The following KLHL32 variants were observed in gnomAD, a reference collection of about 807,000 sequenced individuals.
The protein encoded by KLHL32 is kelch like family member 32, also known as kelch-like protein 32.
A neutral mutation model predicts 64.8 loss-of-function variants in KLHL32; 35 were observed. The ratio of observed to expected loss-of-function variants is 0.54; its 90% confidence interval spans 0.41 to 0.72. The LOEUF is 0.72. KLHL32 is among the 30% of genes least tolerant of loss of function. The pLI, the probability that KLHL32 is intolerant of heterozygous loss-of-function variation, is 0.00. For missense variants in KLHL32, 589 were observed against 768.5 expected, an observed-to-expected ratio of 0.77 and a Z score of 2.76; for synonymous variants, 259 against 281.0, an observed-to-expected ratio of 0.92 and a Z score of 0.78.
intron 4 of KLHL32, among the ~76,000 whole-genome samples, chr6:97,057,549 A>ACCCC (rs1554227344): frequency 7.3e-6 from 1 of 136,802 alleles, no homozygotes; most frequent in African/African-American, 3.0e-5. Flanking sequence ...GATCTTTTAC[A>ACCCC]CCCCCCTCCC....
intron 3 of KLHL32, among the ~76,000 whole-genome samples, chr6:97,017,897 G>A (rs1006596623): frequency 2.6e-5 from 4 of 152,198 alleles, no homozygotes; most frequent in African/African-American, 9.7e-5. Flanking sequence ...GTGATGGAAG[G>A]AACCTGGGCC....
chr6:97,127,332 T>C (rs1460327027), intron 7 of KLHL32, 72 bp from the exon 8 acceptor site: 2 of 1,247,642 alleles, frequency 1.6e-6, no homozygotes. Flanking sequence ...CCTTTAATTG[T>C]ATCTCATTCT....
chr6:96,982,174 T>C (rs1407322238), intron 3 of KLHL32, among the ~76,000 whole-genome samples: 2 of 152,164 alleles, frequency 1.3e-5, no homozygotes, highest in African/African-American at 4.8e-5. Flanking sequence ...AGTATTATTA[T>C]GTGGTTATTT....
At chr6:96,910,888 C>A in the KLHL32 span, among the ~76,000 whole-genome samples, 2 of 152,048 alleles carry the variant, frequency 1.3e-5, no homozygotes, top group Admixed American at 6.6e-5. Context: ...TAATTAATTG[C>A]CAATTTTATT....
chr6:96,938,457 C>T (rs1770882891), intron 1 of KLHL32, among the ~76,000 whole-genome samples: 1 of 152,144 alleles, frequency 6.6e-6, no homozygotes, highest in South Asian at 2.1e-4. Flanking sequence ...CTTCTCGTGT[C>T]CTGCAGATAC....
intron 9 of KLHL32, 105 bp from the exon 10 acceptor site, chr6:97,132,548 C>T: frequency 2.5e-6 from 2 of 804,802 alleles, no homozygotes; most frequent in East Asian, 2.7e-5. Context: ...ATGGAGTATA[C>T]AAATGTGCCA....
At chr6:97,110,704 A>C (rs1796997165) in intron 6 of KLHL32, among the ~76,000 whole-genome samples, 1 of 152,226 alleles carries the variant, frequency 6.6e-6, no homozygotes, top group Non-Finnish European at 1.5e-5. Flanking sequence ...CCATGGTTCA[A>C]AAAGGAAGTA....
chr6:96,993,851 G>T (rs2128068157), intron 3 of KLHL32, among the ~76,000 whole-genome samples: 1 of 152,274 alleles, frequency 6.6e-6, no homozygotes, highest in Non-Finnish European at 1.5e-5. Flanking sequence ...TGAGTGAGTT[G>T]TGTTATGGGA....
chr6:96,900,955 T>G, the KLHL32 span, among the ~76,000 whole-genome samples: 1 of 152,158 alleles, frequency 6.6e-6, no homozygotes, highest in Non-Finnish European at 1.5e-5. Flanking sequence ...TTTGGCCAAT[T>G]TCATAGTGAT....
At chr6:97,071,231 A>G (rs1459603789) in intron 5 of KLHL32, among the ~76,000 whole-genome samples, 1 of 151,936 alleles carries the variant, frequency 6.6e-6, no homozygotes, top group East Asian at 1.9e-4. Context: ...TACTCCTCAA[A>G]AGTTCTTCCA....
At chr6:96,919,648 C>A (rs1420387134), upstream of KLHL32, among the ~76,000 whole-genome samples, 5 of 151,888 alleles carry the variant, frequency 3.3e-5, no homozygotes, top group Non-Finnish European at 7.4e-5. Flanking sequence ...GTTATAATAG[C>A]CACTTTTATA....
intron 3 of KLHL32, among the ~76,000 whole-genome samples, chr6:96,991,478 G>A (rs902771776): frequency 6.6e-6 from 1 of 152,074 alleles, no homozygotes; most frequent in Non-Finnish European, 1.5e-5. Context: ...AATGGCAGAG[G>A]GGCTATGGGT....
chr6:96,920,789 T>C (rs998464613), upstream of KLHL32, among the ~76,000 whole-genome samples: 1 of 152,156 alleles, frequency 6.6e-6, no homozygotes, highest in African/African-American at 2.4e-5. Context: ...TCTGTCCCTG[T>C]CTCTCTTCTC....
At chr6:96,976,950 T>C (rs1444412631) in intron 3 of KLHL32, among the ~76,000 whole-genome samples, 1 of 152,182 alleles carries the variant, frequency 6.6e-6, no homozygotes, top group African/African-American at 2.4e-5. Context: ...CAGAGATTCA[T>C]AGGCCTAATG....
chr6:97,004,708 C>A (rs1376251778), intron 3 of KLHL32, among the ~76,000 whole-genome samples: 3 of 151,956 alleles, frequency 2.0e-5, no homozygotes, highest in Non-Finnish European at 4.4e-5. Context: ...TTATCAAAAG[C>A]CTTTTCTGCA....
intron 4 of KLHL32, among the ~76,000 whole-genome samples, chr6:97,058,965 G>A (rs1788446261): frequency 6.6e-6 from 1 of 152,192 alleles, no homozygotes; most frequent in Non-Finnish European, 1.5e-5. Context: ...CAGTTTTTGA[G>A]GTAGACATCA....
intron 3 of KLHL32, among the ~76,000 whole-genome samples, chr6:97,032,671 C>T (rs1783730737): frequency 6.7e-6 from 1 of 149,594 alleles, no homozygotes; most frequent in African/African-American, 2.5e-5. Context: ...GGGGCAATTA[C>T]AACTTGGAAG....
intron 4 of KLHL32, among the ~76,000 whole-genome samples, chr6:97,043,238 C>A (rs1785397826): frequency 6.6e-6 from 1 of 152,154 alleles, no homozygotes; most frequent in African/African-American, 2.4e-5. Context: ...CCTCCCCTAG[C>A]CTTTGGTAAC....
the KLHL32 span, among the ~76,000 whole-genome samples, chr6:96,902,441 G>A: frequency 6.6e-6 from 1 of 151,932 alleles, no homozygotes; most frequent in African/African-American, 2.4e-5. Flanking sequence ...CTTTTTAATT[G>A]GATTATTTGT....
Sources: gnomAD v4.1 joint callset for allele counts (sites outside exome capture counted in the v4.1 genomes callset) on GRCh38, gnomAD v4.1.1 for gene constraint, MANE v1.5 for transcripts, NCBI Gene and HGNC (gene_info 2026-07-23, HGNC 2026-07-21) for gene names.